The following GDPD1 variants were observed in gnomAD, a reference collection of about 807,000 sequenced individuals.
GDPD1 encodes glycerophosphodiester phosphodiesterase domain containing 1, also known as lysophospholipase D GDPD1.
A neutral mutation model predicts 45.1 loss-of-function variants in GDPD1; 28 were observed. The observed-to-expected ratio is 0.62, with a 90% CI of 0.46 to 0.85. The LOEUF (loss-of-function observed/expected upper bound fraction) is 0.85. Ranked by LOEUF, GDPD1 falls within the 40% of genes least tolerant of loss-of-function variation. The pLI is 0.00. For missense variants in GDPD1, 256 were observed against 364.8 expected, an observed-to-expected ratio of 0.70 and a Z score of 2.43; for synonymous variants, 139 against 131.4, an observed-to-expected ratio of 1.06 and a Z score of -0.40.
intron 4 of GDPD1, among the ~76,000 whole-genome samples, chr17:59,252,380 A>T (rs1457610378): frequency 2.0e-5 from 3 of 151,428 alleles, no homozygotes; most frequent in African/African-American, 7.3e-5. Flanking sequence ...CTGGGATTAC[A>T]GGTGCCCGCC....
At chr17:59,226,690 T>C (rs2047049514) in intron 1 of GDPD1, among the ~76,000 whole-genome samples, 1 of 151,964 alleles carries the variant, frequency 6.6e-6, no homozygotes, top group Non-Finnish European at 1.5e-5. Flanking sequence ...TTTGTGTGTG[T>C]GTGTGATGGA....
At chr17:59,259,455 T>C (rs921926411) in intron 6 of GDPD1, among the ~76,000 whole-genome samples, 14 of 147,516 alleles carry the variant, frequency 9.5e-5, no homozygotes, top group Admixed American at 1.4e-4. Context: ...TAGTCCCAGC[T>C]ACTCAGGAGG....
At chr17:59,235,851 A>G (rs1308969652) in intron 2 of GDPD1, among the ~76,000 whole-genome samples, 1 of 151,364 alleles carries the variant, frequency 6.6e-6, no homozygotes, top group Non-Finnish European at 1.5e-5. Flanking sequence ...TTTTCCTCCT[A>G]TCACAGACCA....
chr17:59,275,274 TA>T lies in GDPD1; in HGVS notation c.*1502del. On this transcript the variant is annotated 3_prime_UTR_variant, in exon 10 of 10. Coordinates refer to ENST00000284116, the MANE Select transcript of GDPD1 (RefSeq NM_182569.4). The stretch of plus-strand genomic sequence containing the variant: ...AGTGATGTGTAGTTATTTGGCAAGT[TA>T]TACATAATCAGCAGCAGCCAGGCTC... 2 of 1,217,496 alleles carry T rather than the reference TA, an allele frequency of 1.6e-6. No individual in the cohort carries two copies. The highest frequency in any genetic ancestry group is 2.3e-6 in the Non-Finnish European group (2 of 861,106). The allele number at this position is 1,217,496 out of a possible 1,614,324, so 75.4% of individuals were successfully genotyped here. A position where few individuals can be genotyped will look rare whatever the true frequency, so the allele number is the denominator to read the frequency against.
chr17:59,229,823 T>C (rs1182943350), intron 1 of GDPD1, among the ~76,000 whole-genome samples: 7 of 152,226 alleles, frequency 4.6e-5, no homozygotes, highest in African/African-American at 1.4e-4. Context: ...ATATCTTTTC[T>C]GAGTATGTCC....
At chr17:59,222,639 C>T (rs1021599198) in intron 1 of GDPD1, among the ~76,000 whole-genome samples, 1 of 151,056 alleles carries the variant, frequency 6.6e-6, no homozygotes, top group African/African-American at 2.4e-5. Flanking sequence ...CTCAGCCTCC[C>T]GAGTAGCTGG....
intron 1 of GDPD1, among the ~76,000 whole-genome samples, chr17:59,230,370 ATTTTTT>A (rs942416287): frequency 3.7e-5 from 3 of 80,072 alleles, no homozygotes; most frequent in Non-Finnish European, 6.5e-5. Context: ...CAGTTGTAGA[ATTTTTT>A]TTTTTTTTTT....
At chr17:59,271,424 A>G (rs2147909153) in intron 8 of GDPD1, among the ~76,000 whole-genome samples, 1 of 152,334 alleles carries the variant, frequency 6.6e-6, no homozygotes, top group East Asian at 1.9e-4. Context: ...CAGAAAGGAA[A>G]TCCCACCTAT....
chr17:59,257,069 C>G (rs1048697573), intron 4 of GDPD1, 53 bp from the exon 5 acceptor site: 1 of 925,796 alleles, frequency 1.1e-6, no homozygotes, highest in Admixed American at 2.3e-5. Context: ...CTCTAGTCAT[C>G]AAAAAGTAAA....
intron 6 of GDPD1, 72 bp from the exon 7 acceptor site, chr17:59,266,969 G>A (rs1443603334): frequency 8.2e-7 from 1 of 1,226,070 alleles, no homozygotes; most frequent in African/African-American, 1.5e-5. Context: ...GGGAAATACT[G>A]AGAGTTGTGA....
intron 2 of GDPD1, among the ~76,000 whole-genome samples, chr17:59,234,821 A>G (rs1483909737): frequency 6.6e-6 from 1 of 152,184 alleles, no homozygotes; most frequent in Non-Finnish European, 1.5e-5. Flanking sequence ...ACTGTGTATA[A>G]TGCTAATTAG....
In GDPD1 at chr17:59,255,271, G is replaced by A. The variant is rs2047287428; in HGVS notation, c.368-1851G>A. Among the ~76,000 whole-genome samples, 3 of 152,040 alleles carry A rather than the reference G, an allele frequency of 2.0e-5. No individual in the cohort carries two copies. In the South Asian group the frequency reaches 6.2e-4, roughly 32 times the overall value. On this transcript the variant is annotated intron_variant, in intron 4 of 9. Coordinates refer to ENST00000284116, the MANE Select transcript of GDPD1 (RefSeq NM_182569.4). ...TTACAATAGTTATATAGTATGTATA[G>A]TAAATTATATAAATGATTAGAGTAA... is the stretch of plus-strand genomic sequence containing the variant.
At chr17:59,242,835 C>A (rs945105391) in intron 2 of GDPD1, among the ~76,000 whole-genome samples, 1 of 152,224 alleles carries the variant, frequency 6.6e-6, no homozygotes. Flanking sequence ...CCCCTCACCC[C>A]TGCACAAGGG....
At chr17:59,242,089 G>A (rs1482441475) in intron 2 of GDPD1, among the ~76,000 whole-genome samples, 1 of 152,090 alleles carries the variant, frequency 6.6e-6, no homozygotes, top group Admixed American at 6.6e-5. Context: ...TTGAGACAGA[G>A]TCTTGCTCTG....
In GDPD1 at chr17:59,220,595, CACACG is replaced by C; in HGVS notation, c.-14_-10del. On this transcript the variant is annotated 5_prime_UTR_variant, in exon 1 of 10. Coordinates refer to ENST00000284116, the MANE Select transcript of GDPD1 (RefSeq NM_182569.4). Reference sequence around the variant, plus strand: ...GAGGGCCCGGAGGTGGGAGACTTCCCACACGGTGACTGAGATGTCGTCCACTGCGG... The same window carrying C: ...GAGGGCCCGGAGGTGGGAGACTTCCCGTGACTGAGATGTCGTCCACTGCGG... 6.2e-7 allele frequency: 1 copy of C among 1,612,112 alleles called. No homozygotes were observed. The highest frequency in any genetic ancestry group is 8.5e-7 in the Non-Finnish European group (1 of 1,178,920).
chr17:59,266,115 G>A (rs1256950685), intron 6 of GDPD1, among the ~76,000 whole-genome samples: 3 of 151,906 alleles, frequency 2.0e-5, no homozygotes, highest in African/African-American at 4.8e-5. Context: ...TGGCTGGTGC[G>A]GTGGCTCACA....
intron 2 of GDPD1, among the ~76,000 whole-genome samples, chr17:59,237,706 T>C (rs1410788869): frequency 6.6e-6 from 1 of 152,042 alleles, no homozygotes; most frequent in Non-Finnish European, 1.5e-5. Flanking sequence ...CTGATTAAAA[T>C]TAACCAGAAA....
rs1225680746 is a variant in GDPD1, at chr17:59,237,112, AT to A, written c.185+2582del. On this transcript the variant is annotated intron_variant, in intron 2 of 9. Coordinates refer to ENST00000284116, the MANE Select transcript of GDPD1 (RefSeq NM_182569.4). ...CAAGAAAAGACTGTTTAAACATACTATTTTGGCCAGTCGCAGTAGCTCACAC... is the reference window on the plus strand; with the variant it reads ...CAAGAAAAGACTGTTTAAACATACTATTTGGCCAGTCGCAGTAGCTCACAC... 2.0e-5 allele frequency among the ~76,000 whole-genome samples: 3 copies of A among 151,830 alleles called. No individual in the cohort carries two copies. In the East Asian group the frequency reaches 5.9e-4, roughly 30 times the overall value.
At chr17:59,226,882 T>C (rs908098957) in intron 1 of GDPD1, among the ~76,000 whole-genome samples, 3 of 151,410 alleles carry the variant, frequency 2.0e-5, no homozygotes, top group Admixed American at 6.6e-5. Flanking sequence ...GGTTTCACCA[T>C]GTTGGCCAGG....
Sources: gnomAD v4.1 joint callset for allele counts (sites outside exome capture counted in the v4.1 genomes callset) on GRCh38, gnomAD v4.1.1 for gene constraint, MANE v1.5 for transcripts, NCBI Gene and HGNC (gene_info 2026-07-23, HGNC 2026-07-21) for gene names.